GNAQ: variants seen among roughly 807,000 people sequenced by gnomAD.
GNAQ encodes G protein subunit alpha q, also known as guanine nucleotide-binding protein G(q) subunit alpha.
A neutral mutation model predicts 43.9 loss-of-function variants in GNAQ; 8 were observed. The observed-to-expected ratio is 0.18, with a 90% CI of 0.11 to 0.33. The LOEUF is 0.33. Among genes scored for constraint, GNAQ ranks in the 10% least tolerant of loss-of-function variants. The pLI, the probability that GNAQ is intolerant of heterozygous loss-of-function variation, is 1.00. For synonymous variants in GNAQ, 155 were observed against 170.7 expected, an observed-to-expected ratio of 0.91 and a Z score of 0.71; for missense variants, 158 against 450.8, an observed-to-expected ratio of 0.35 and a Z score of 5.88.
chr9:77,977,001 T>C (rs1301625767), intron 1 of GNAQ, among the ~76,000 whole-genome samples: 1 of 152,162 alleles, frequency 6.6e-6, no homozygotes, highest in Non-Finnish European at 1.5e-5. Flanking sequence ...AGCAAATCAA[T>C]TCCTGATAGA....
intron 2 of GNAQ, among the ~76,000 whole-genome samples, chr9:77,857,508 A>G (rs559409392): frequency 7.1e-6 from 1 of 140,440 alleles, no homozygotes; most frequent in East Asian, 2.5e-4. Flanking sequence ...GACACAGGAA[A>G]GAAGGAAGGG....
At chr9:77,828,254 G>T (rs1827238048) in intron 2 of GNAQ, among the ~76,000 whole-genome samples, 1 of 151,876 alleles carries the variant, frequency 6.6e-6, no homozygotes, top group African/African-American at 2.4e-5. Context: ...TAAGATAGAT[G>T]AATTATATAG....
At chr9:77,869,093 G>A (rs549016579) in intron 2 of GNAQ, among the ~76,000 whole-genome samples, 10 of 152,160 alleles carry the variant, frequency 6.6e-5, no homozygotes, top group Middle Eastern at 3.4e-3. Flanking sequence ...TTCAACTGTC[G>A]CTCCACTGTC....
intron 1 of GNAQ, among the ~76,000 whole-genome samples, chr9:77,934,166 A>G (rs972795685): frequency 4.1e-5 from 6 of 144,684 alleles, no homozygotes; most frequent in African/African-American, 1.3e-4. Context: ...CAGCCCGCCC[A>G]CAGGAGACAA....
At chr9:77,769,212 C>T (rs758510789) in intron 5 of GNAQ, among the ~76,000 whole-genome samples, 17 of 151,938 alleles carry the variant, frequency 1.1e-4, no homozygotes, top group Non-Finnish European at 2.5e-4. Flanking sequence ...ACAAGCCTGG[C>T]CAACATGGTG....
Position 77,797,601 on chromosome 9 carries a change from G to A in GNAQ, c.524C>T (p.Thr175Met), listed in dbSNP as rs1461816732. The change falls in exon 4 of 7, where the codon ACG becomes ATG. Residue 175 changes from threonine to methionine, a missense_variant. Thr to Met is a moderately conservative substitution (Grantham distance 81). This residue lies in a region of GNAQ where 4 missense variants were observed against 60.8 expected (regional missense o/e 0.07). Transcript: ENST00000286548. The stretch of plus-strand genomic sequence containing the variant: ...TCGAACTCTAAGCACATCTTGTTGC[G>A]TAGGCAGGTAGGCAGGGTCAGCTAC... ...DRVADPAYLP[T>M]QQDVLRVRVP... 1.2e-6 allele frequency: 2 copies of A among 1,612,536 alleles called. No homozygotes were observed. Among genetic ancestry groups the A allele is most frequent in the Non-Finnish European group, 1.7e-6 (2 of 1,178,654 alleles).
chr9:77,773,444 C>T (rs1392671190), intron 5 of GNAQ, among the ~76,000 whole-genome samples: 1 of 152,192 alleles, frequency 6.6e-6, no homozygotes, highest in Non-Finnish European at 1.5e-5. Flanking sequence ...ATAATCCTCA[C>T]AGCGCTTTAA....
chr9:77,787,366 G>T (rs769350894), intron 5 of GNAQ, among the ~76,000 whole-genome samples: 61 of 152,174 alleles, frequency 4.0e-4, no homozygotes, highest in Admixed American at 7.9e-4. Flanking sequence ...CTTGACAGGG[G>T]TGTTAAACAG....
At chr9:77,958,848 T>C (rs1359755891) in intron 1 of GNAQ, among the ~76,000 whole-genome samples, 1 of 152,168 alleles carries the variant, frequency 6.6e-6, no homozygotes, top group East Asian at 1.9e-4. Context: ...CAGACTGATT[T>C]CAACCCCAAA....
At chr9:77,814,088 G>C (rs1826973061) in intron 3 of GNAQ, among the ~76,000 whole-genome samples, 1 of 152,096 alleles carries the variant, frequency 6.6e-6, no homozygotes, top group Non-Finnish European at 1.5e-5. Flanking sequence ...TGGGGAGATA[G>C]ATGGAATCTG....
chr9:77,976,594 A>G (rs1308366191), intron 1 of GNAQ, among the ~76,000 whole-genome samples: 1 of 152,050 alleles, frequency 6.6e-6, no homozygotes, highest in African/African-American at 2.4e-5. Flanking sequence ...GTTTCACCAT[A>G]TTGGTCAGGC....
intron 1 of GNAQ, among the ~76,000 whole-genome samples, chr9:77,973,944 A>AT (rs1564167419): frequency 6.6e-6 from 1 of 152,142 alleles, no homozygotes; most frequent in Non-Finnish European, 1.5e-5. Context: ...GTAAAACTTA[A>AT]TTTTCTCATA....
intron 5 of GNAQ, among the ~76,000 whole-genome samples, chr9:77,765,868 G>T (rs1826127296): frequency 6.6e-6 from 1 of 152,100 alleles, no homozygotes; most frequent in African/African-American, 2.4e-5. Flanking sequence ...AACAAAATGT[G>T]GTTTACACAT....
At chr9:78,008,691 TCAC>T (rs1188341074) in intron 1 of GNAQ, among the ~76,000 whole-genome samples, 1 of 152,160 alleles carries the variant, frequency 6.6e-6, no homozygotes, top group Non-Finnish European at 1.5e-5. Flanking sequence ...TGATCTCAGC[TCAC>T]CACAACCTCC....
intron 1 of GNAQ, among the ~76,000 whole-genome samples, chr9:77,956,136 A>G (rs889956137): frequency 6.6e-6 from 1 of 151,866 alleles, no homozygotes; most frequent in Non-Finnish European, 1.5e-5. Flanking sequence ...GACTTATTCT[A>G]AAGTGTTTTA....
At chr9:78,027,929 T>C (rs2118621357) in intron 1 of GNAQ, among the ~76,000 whole-genome samples, 1 of 152,176 alleles carries the variant, frequency 6.6e-6, no homozygotes, top group African/African-American at 2.4e-5. Context: ...TTCTAGGAAC[T>C]GAAAAAAATT....
chr9:77,744,303 C>T (rs1010509764), intron 5 of GNAQ, among the ~76,000 whole-genome samples: 1 of 152,116 alleles, frequency 6.6e-6, no homozygotes, highest in Non-Finnish European at 1.5e-5. Context: ...AGAATGGATC[C>T]GACTTCTCCA....
At chr9:77,962,904 A>C (rs961458552) in intron 1 of GNAQ, among the ~76,000 whole-genome samples, 7 of 151,728 alleles carry the variant, frequency 4.6e-5, no homozygotes, top group East Asian at 1.9e-4. Flanking sequence ...AAAAAAAAAA[A>C]AAAAAAAAAA....
intron 2 of GNAQ, among the ~76,000 whole-genome samples, chr9:77,845,961 A>G (rs2117903550): frequency 6.6e-6 from 1 of 152,338 alleles, no homozygotes; most frequent in Non-Finnish European, 1.5e-5. Flanking sequence ...AAGTGAAACT[A>G]GAGAGAGTCA....
Sources: allele counts gnomAD v4.1 joint callset (sites outside exome capture counted in the v4.1 genomes callset), GRCh38; gene constraint gnomAD v4.1.1; regional missense constraint gnomAD v4.1.1; transcripts MANE v1.5; gene names NCBI Gene and HGNC (gene_info 2026-07-23, HGNC 2026-07-21).